LMNB2: variants seen among roughly 807,000 people sequenced by gnomAD.
LMNB2 encodes lamin-B2.
A neutral mutation model predicts 69.3 loss-of-function variants in LMNB2; 17 were observed. The observed-to-expected ratio is 0.25, with a 90% CI of 0.17 to 0.37. The LOEUF (loss-of-function observed/expected upper bound fraction) is 0.37, where lower values mean the gene tolerates loss of function less well. Ranked by LOEUF, LMNB2 falls within the 10% of genes least tolerant of loss-of-function variation. The pLI is 1.00. For missense variants in LMNB2, 789 were observed against 883.6 expected (o/e 0.89, Z 1.36); for synonymous variants, 397 against 389.3 (o/e 1.02, Z -0.23).
rs1401433182 is a variant in LMNB2 at position 2,429,112 on chromosome 19, A to T, written c.*1799T>A. 1 of 152,264 alleles carries T rather than the reference A, an allele frequency of 6.6e-6. No individual in the cohort carries two copies. The highest frequency in any genetic ancestry group is 1.5e-5 in the Non-Finnish European group (1 of 68,064). 9.4% of individuals were successfully genotyped at this position (152,264 alleles called of 1,614,324 possible). On this transcript the variant is annotated 3_prime_UTR_variant, in exon 12 of 12. Coordinates refer to ENST00000325327, the MANE Select transcript of LMNB2 (RefSeq NM_032737.4). ...CTTTGCTCCTCCAGAGCCAAAATAC[A>T]TAGGATGTGGCTGAGACCACTGCAG...
At position 2,432,687 on chromosome 19, in the gene LMNB2, C is replaced by T. The variant is rs552209870; in HGVS notation, c.1483-164G>A. On this transcript the variant is annotated intron_variant, in intron 8 of 11. Transcript: ENST00000325327. Reference sequence around the variant, plus strand: ...ATTCCAGTCACCTTGTCCCCTGCCTCGTCCTGACCGGCGGCCCTGTCACCC... The same window carrying T: ...ATTCCAGTCACCTTGTCCCCTGCCTTGTCCTGACCGGCGGCCCTGTCACCC... Among the ~76,000 whole-genome samples the T allele has an allele frequency of 7.4e-4, 112 of 151,172 alleles. 1 individual carries two copies. The highest frequency in any genetic ancestry group is 2.6e-3 in the African/African-American group (107 of 41,042).
chr19:2,456,399 CAG>C (rs1242940434), intron 1 of LMNB2, among the ~76,000 whole-genome samples: 10 of 149,910 alleles, frequency 6.7e-5, no homozygotes. Flanking sequence ...ACCGCTCACT[CAG>C]GGGCCCCTCG....
At position 2,453,509 on chromosome 19, in the gene LMNB2, G is replaced by A. The variant is rs1328274737; in HGVS notation, c.264+3161C>T. 4.6e-5 allele frequency among the ~76,000 whole-genome samples: 7 copies of A among 152,008 alleles called. No homozygotes were observed. ...TTCCAACTCTGCTCCCCACTAGCCG[G>A]GTTCCTGGCCCACTAGTCGCAGGCG... On this transcript the variant is annotated intron_variant, in intron 1 of 11. Transcript: ENST00000325327. This position sits in a 1 kb window ranked among gnomAD's most constrained non-coding sequence, Gnocchi z 4.4.
rs1319560056 is a variant in LMNB2, at chr19:2,431,086, T to C, written c.1822-134A>G. 9.8e-6 allele frequency: 7 copies of C among 713,216 alleles called. No individual in the cohort carries two copies. The African/African-American group carries it at 1.2e-4, about 12-fold the overall frequency. The allele number at this position is 713,216 out of a possible 1,614,324, so 44.2% of individuals were successfully genotyped here. A position where few individuals can be genotyped will look rare whatever the true frequency, so the allele number is the denominator to read the frequency against. On this transcript the variant is annotated intron_variant, in intron 11 of 11. Coordinates refer to ENST00000325327, the MANE Select transcript of LMNB2 (RefSeq NM_032737.4). ...CAGTGTCTATTTCTAGAGCCTTCCATTCCACTTCCATGTCCCCATGAGCCC... is the reference window on the plus strand; with the variant it reads ...CAGTGTCTATTTCTAGAGCCTTCCACTCCACTTCCATGTCCCCATGAGCCC...
chr19:2,446,452 CCTA>C (rs1245147463), intron 1 of LMNB2, among the ~76,000 whole-genome samples: 1 of 152,178 alleles, frequency 6.6e-6, no homozygotes, highest in African/African-American at 2.4e-5. Flanking sequence ...CTCTTCACTT[CCTA>C]CTAATCCTGC....
intron 1 of LMNB2, among the ~76,000 whole-genome samples, chr19:2,454,677 C>T (rs1197178145): frequency 3.9e-5 from 6 of 152,118 alleles, no homozygotes; most frequent in Non-Finnish European, 7.4e-5. Flanking sequence ...CTGCAAATCC[C>T]GACTTCGGCA....
At position 2,438,273 on chromosome 19, in the gene LMNB2, C is replaced by A. The variant is rs112419003; in HGVS notation, c.574G>T (p.Ala192Ser). 4.6e-4 allele frequency: 750 copies of A among 1,613,926 alleles called. No homozygotes were observed. Among genetic ancestry groups the A allele is most frequent in the Non-Finnish European group, 5.9e-4 (696 of 1,180,040 alleles). The change falls in exon 4 of 12, where the codon GCA (alanine) becomes TCA (serine). Residue 192 changes from alanine to serine, a missense_variant. Ala to Ser is a moderately conservative substitution (Grantham distance 99, BLOSUM62 1). Transcript: ENST00000325327. ...TTCTCCAGCTGCTTTTTGGCCACTG[C>A]ATGACCGTCCTCGGCCTGGGAGACA... is the stretch of plus-strand genomic sequence containing the variant. ...AQLAKAEDGH[A>S]VAKKQLEKET...
Position 2,429,902 on chromosome 19 carries a change from G to C in LMNB2, c.*1009C>G, listed in dbSNP as rs1465115784. On this transcript the variant is annotated 3_prime_UTR_variant, in exon 12 of 12. Coordinates refer to ENST00000325327, the MANE Select transcript of LMNB2 (RefSeq NM_032737.4). ...TGAGGGGCTTGGGTGCGTCGTGATA[G>C]GAGTCAGGTGGCCTTGGCCTGTCTG... 1 of 152,292 alleles carries C rather than the reference G, an allele frequency of 6.6e-6. No homozygotes were observed. Among genetic ancestry groups the C allele is most frequent in the African/African-American group, 2.4e-5 (1 of 41,452 alleles). The allele number at this position is 152,292 out of a possible 1,614,324, so 9.4% of individuals were successfully genotyped here. A position where few individuals can be genotyped will look rare whatever the true frequency, so the allele number is the denominator to read the frequency against.
intron 1 of LMNB2, among the ~76,000 whole-genome samples, chr19:2,454,059 G>A (rs770310731): frequency 3.9e-5 from 6 of 152,150 alleles, no homozygotes; most frequent in African/African-American, 7.2e-5. Context: ...TTGGGAGGCC[G>A]AGGCAGGCAG....
intron 1 of LMNB2, among the ~76,000 whole-genome samples, chr19:2,454,440 C>T (rs1226264962): frequency 6.6e-6 from 1 of 152,016 alleles, no homozygotes; most frequent in Admixed American, 6.6e-5. Context: ...AGCTACTGAA[C>T]AAAAGTTAAC....
rs1599328001 is a variant in LMNB2, at chr19:2,429,316, A to C, written c.*1595T>G. ...ATCCCCGGGGCAGGCAAAGCTCCCTACCAGCCGCCTGACTGGGAGCACAGC... is the reference window on the plus strand; with the variant it reads ...ATCCCCGGGGCAGGCAAAGCTCCCTCCCAGCCGCCTGACTGGGAGCACAGC... On this transcript the variant is annotated 3_prime_UTR_variant, in exon 12 of 12. Transcript: ENST00000325327. 6.6e-6 allele frequency: 1 copy of C among 152,242 alleles called. No homozygotes were observed. The highest frequency in any genetic ancestry group is 2.4e-5 in the African/African-American group (1 of 41,462). The allele number at this position is 152,242 out of a possible 1,614,324, so 9.4% of individuals were successfully genotyped here.
In LMNB2 at chr19:2,447,065, A is replaced by C. The variant is rs1045585340; in HGVS notation, c.265-2525T>G. On this transcript the variant is annotated intron_variant, in intron 1 of 11. Coordinates refer to ENST00000325327, the MANE Select transcript of LMNB2 (RefSeq NM_032737.4). This position sits in a 1 kb window ranked among gnomAD's most constrained non-coding sequence, Gnocchi z 4.4. ...AGGCTGAGGCAGGAGAATGGCATGAACCCGGGAGGTGGAACTTGCAGTGAG... is the reference window on the plus strand; with the variant it reads ...AGGCTGAGGCAGGAGAATGGCATGACCCCGGGAGGTGGAACTTGCAGTGAG... 6.8e-6 allele frequency among the ~76,000 whole-genome samples: 1 copy of C among 146,016 alleles called. No homozygotes were observed. The highest frequency in any genetic ancestry group is 1.5e-5 in the Non-Finnish European group (1 of 66,078).
At position 2,451,334 on chromosome 19, in the gene LMNB2, A is replaced by G. The variant is rs1041015950; in HGVS notation, c.264+5336T>C. 9.9e-5 allele frequency among the ~76,000 whole-genome samples: 15 copies of G among 152,244 alleles called. 1 individual carries two copies. The highest frequency in any genetic ancestry group is 5.2e-4 in the Admixed American group (8 of 15,280). ...ACTTCACAGTTCCATGTGTATAAAT[A>G]AAGTTTTATTGACACATAGCAGCAC... On this transcript the variant is annotated intron_variant, in intron 1 of 11. Coordinates refer to ENST00000325327, the MANE Select transcript of LMNB2 (RefSeq NM_032737.4).
intron 4 of LMNB2, among the ~76,000 whole-genome samples, chr19:2,437,616 C>T (rs970681161): frequency 2.6e-5 from 4 of 152,156 alleles, no homozygotes; most frequent in South Asian, 4.1e-4. Context: ...GCCTGGCCAA[C>T]GTGGTGAAAC....
chr19:2,451,101 C>T (rs529768650), intron 1 of LMNB2, among the ~76,000 whole-genome samples: 76 of 152,066 alleles, frequency 5.0e-4, no homozygotes, highest in African/African-American at 1.7e-3. Flanking sequence ...ATTAGCTGGG[C>T]GTGGCAGTGC....
intron 4 of LMNB2, among the ~76,000 whole-genome samples, chr19:2,436,037 C>A (rs961225271): frequency 2.0e-5 from 3 of 152,132 alleles, no homozygotes; most frequent in African/African-American, 7.2e-5. Context: ...GTAATCCCAG[C>A]ACTTTGGGAG....
At chr19:2,436,498 C>T (rs898585417) in intron 4 of LMNB2, among the ~76,000 whole-genome samples, 7 of 151,576 alleles carry the variant, frequency 4.6e-5, no homozygotes, top group Non-Finnish European at 8.9e-5. Flanking sequence ...CCCTGCGGGC[C>T]GCGCACCCAC....
rs377182388 is a variant in LMNB2 at position 2,454,587 on chromosome 19, C to T, written c.264+2083G>A. Among the ~76,000 whole-genome samples, 13 of 152,214 alleles carry T rather than the reference C, an allele frequency of 8.5e-5. No individual in the cohort carries two copies. In the East Asian group the frequency reaches 2.1e-3, roughly 25 times the overall value. Reference sequence around the variant, plus strand: ...GGGTAAGTGGCTCCCAGAAATGACCCGACCCCCTCAACAAGCAGCTCTTCT... The same window carrying T: ...GGGTAAGTGGCTCCCAGAAATGACCTGACCCCCTCAACAAGCAGCTCTTCT... On this transcript the variant is annotated intron_variant, in intron 1 of 11. Transcript: ENST00000325327.
chr19:2,452,341 C>T (rs909997656), intron 1 of LMNB2, among the ~76,000 whole-genome samples: 2 of 150,600 alleles, frequency 1.3e-5, no homozygotes, highest in African/African-American at 4.9e-5. Context: ...GGCTGAGGCA[C>T]GAGAAGCCCT....
Sources: allele counts gnomAD v4.1 joint callset (sites outside exome capture counted in the v4.1 genomes callset), GRCh38; gene constraint gnomAD v4.1.1; non-coding constraint Gnocchi (gnomAD v3.1); transcripts MANE v1.5; gene names NCBI Gene and HGNC (gene_info 2026-07-23, HGNC 2026-07-21).